ABCA13: variants seen among roughly 807,000 people sequenced by gnomAD.
ABCA13 encodes ATP-binding cassette sub-family A member 13.
In ABCA13, 476 loss-of-function variants were observed where a neutral mutation model predicts 478.7. The observed-to-expected ratio is 0.99, with a 90% CI of 0.92 to 1.07. The LOEUF is 1.07. ABCA13 is among the 50% of genes least tolerant of loss of function. The pLI, the probability that ABCA13 is intolerant of heterozygous loss-of-function variation, is 0.00. For missense variants in ABCA13, 6,060 were observed against 5,910.6 expected (o/e 1.03, Z -0.83); for synonymous variants, 2,252 against 2,158.9 (o/e 1.04, Z -1.20).
intron 31 of ABCA13, among the ~76,000 whole-genome samples, chr7:48,359,196 G>C (rs1810431780): frequency 6.6e-6 from 1 of 151,924 alleles, no homozygotes; most frequent in Non-Finnish European, 1.5e-5. Flanking sequence ...GCCAGGCACT[G>C]TGAATGGGTG....
intron 39 of ABCA13, among the ~76,000 whole-genome samples, chr7:48,407,881 G>A (rs1382023114): frequency 6.6e-6 from 1 of 152,094 alleles, no homozygotes; most frequent in Non-Finnish European, 1.5e-5. Context: ...GTAATCCAGA[G>A]ATGATTTAAA....
intron 35 of ABCA13, among the ~76,000 whole-genome samples, chr7:48,383,375 A>G (rs1000642018): frequency 6.6e-6 from 1 of 152,158 alleles, no homozygotes. Context: ...ATGTGGGTAT[A>G]CGTATGTGTG....
At chr7:48,474,785 C>A (rs947943452) in intron 45 of ABCA13, among the ~76,000 whole-genome samples, 6 of 152,090 alleles carry the variant, frequency 3.9e-5, no homozygotes, top group Non-Finnish European at 1.5e-5. Flanking sequence ...TATTCTCTAG[C>A]CTTGATTTGA....
In ABCA13 at chr7:48,273,177, G is replaced by A. The variant is rs755558197; in HGVS notation, c.3511G>A (p.Val1171Ile). The A allele has an allele frequency of 1.9e-5, 31 of 1,613,504 alleles. No individual in the cohort carries two copies. The highest frequency in any genetic ancestry group is 2.6e-5 in the Non-Finnish European group (31 of 1,179,748). ...ISQLFKFDMN[V>I]FTSLHHGFTQ... Reference sequence around the variant, plus strand: ...TCAATTATTTAAGTTTGACATGAATGTTTTCACATCTCTTCATCATGGTTT... The same window carrying A: ...TCAATTATTTAAGTTTGACATGAATATTTTCACATCTCTTCATCATGGTTT... Residue 1171 changes from valine (V) to isoleucine (I), a missense_variant, in exon 17 of 62, where the codon GTT becomes ATT. Around this residue, in one of 3 missense-constraint regions of ABCA13, gnomAD observed 4,423 missense variants for 4,309.1 expected, o/e 1.03. Transcript: ENST00000435803.
At chr7:48,537,284 A>G (rs1440529665) in intron 55 of ABCA13, among the ~76,000 whole-genome samples, 1 of 152,198 alleles carries the variant, frequency 6.6e-6, no homozygotes, top group East Asian at 1.9e-4. Context: ...AAATCAAATT[A>G]TGAGGACTAC....
intron 23 of ABCA13, among the ~76,000 whole-genome samples, chr7:48,306,293 C>T (rs79352811): frequency 5.3e-5 from 8 of 152,092 alleles, no homozygotes; most frequent in African/African-American, 1.2e-4. Context: ...CTCTAAAAAA[C>T]GTATTAAATA....
In ABCA13 at chr7:48,271,905, A is replaced by G; in HGVS notation, c.2239A>G (p.Asn747Asp). 2 of 1,613,400 alleles carry G rather than the reference A, an allele frequency of 1.2e-6. No individual in the cohort carries two copies. Among genetic ancestry groups the G allele is most frequent in the Non-Finnish European group, 8.5e-7 (1 of 1,179,584 alleles). Residue 747 changes from asparagine (N) to aspartate (D), a missense_variant, in exon 17 of 62, where the codon AAT (asparagine) becomes GAT (aspartate). This residue lies in a region of ABCA13 where 4,423 missense variants were observed against 4,309.1 expected (regional missense o/e 1.03). Coordinates refer to ENST00000435803, the MANE Select transcript of ABCA13 (RefSeq NM_152701.5). ...ATTTTTTGAGAAATTATTGTTGCCT[A>G]ATCTTTTTGACTCCTCCATTGTTCC... ...VEFFEKLLLP[N>D]LFDSSIVPSF...
At chr7:48,505,749 A>G (rs1044718818) in intron 48 of ABCA13, among the ~76,000 whole-genome samples, 2 of 152,236 alleles carry the variant, frequency 1.3e-5, no homozygotes, top group African/African-American at 2.4e-5. Context: ...ACTCTGTGAT[A>G]TTATAAACAG....
chr7:48,206,236 T>C (rs923009328), intron 3 of ABCA13, among the ~76,000 whole-genome samples: 6 of 152,254 alleles, frequency 3.9e-5, no homozygotes, highest in Admixed American at 6.5e-5. Flanking sequence ...AACAATGGAC[T>C]GCGTATATGA....
intron 55 of ABCA13, among the ~76,000 whole-genome samples, chr7:48,536,297 T>C (rs1306819939): frequency 3.3e-5 from 5 of 152,230 alleles, no homozygotes; most frequent in Admixed American, 3.3e-4. Flanking sequence ...TTTCATCTAA[T>C]GTAGACATTA....
intron 55 of ABCA13, among the ~76,000 whole-genome samples, chr7:48,555,803 C>T (rs988878560): frequency 6.6e-6 from 1 of 151,154 alleles, no homozygotes; most frequent in African/African-American, 2.4e-5. Flanking sequence ...TTCTTTATTT[C>T]ACATTCATTT....
At chr7:48,488,515 A>T (rs1207910817) in intron 47 of ABCA13, among the ~76,000 whole-genome samples, 1 of 152,224 alleles carries the variant, frequency 6.6e-6, no homozygotes. Context: ...TATCTGTCAC[A>T]AAAGGCAGCC....
intron 48 of ABCA13, among the ~76,000 whole-genome samples, chr7:48,503,207 C>T (rs1482077441): frequency 1.3e-5 from 2 of 152,202 alleles, no homozygotes; most frequent in African/African-American, 4.8e-5. Flanking sequence ...CCACCTCAGC[C>T]TTTCAAGTAG....
intron 31 of ABCA13, among the ~76,000 whole-genome samples, chr7:48,357,962 T>C (rs564626210): frequency 6.6e-6 from 1 of 151,396 alleles, no homozygotes; most frequent in Admixed American, 6.6e-5. Flanking sequence ...GCCAACATGG[T>C]GAAACCCGGT....
At chr7:48,330,515 C>G (rs1462171788) in intron 27 of ABCA13, among the ~76,000 whole-genome samples, 1 of 150,130 alleles carries the variant, frequency 6.7e-6, no homozygotes, top group East Asian at 2.0e-4. Context: ...ATCCATCCAT[C>G]CATCCATATA....
Position 48,352,281 on chromosome 7 carries a change from C to A in ABCA13, c.10482C>A (p.Tyr3494Ter). ...ACACAATCCGGACCAATGTGTTATA[C>A]AGCGTGCGAACAGATGTGGTAAAAA... ...VSYTIRTNVL[Y>*]SVRTDVVKNP... Residue 3494 changes from tyrosine (Y) to a stop codon, truncating the protein, a stop_gained, in exon 31 of 62, where the codon TAC becomes TAA. Coordinates refer to ENST00000435803, the MANE Select transcript of ABCA13 (RefSeq NM_152701.5). LOFTEE classifies it high-confidence loss of function. 6.2e-7 allele frequency: 1 copy of A among 1,613,878 alleles called. No homozygotes were observed. Among genetic ancestry groups the A allele is most frequent in the Non-Finnish European group, 8.5e-7 (1 of 1,179,886 alleles).
chr7:48,335,623 C>G (rs1471305070), intron 28 of ABCA13, 88 bp downstream of exon 28: 8 of 963,458 alleles, frequency 8.3e-6, no homozygotes, highest in South Asian at 3.4e-5. Context: ...GAAGATTCTA[C>G]AGAGTCACAT....
At chr7:48,409,020 C>T (rs1221965050) in intron 39 of ABCA13, among the ~76,000 whole-genome samples, 3 of 152,182 alleles carry the variant, frequency 2.0e-5, no homozygotes. Flanking sequence ...TTATGGGTTA[C>T]AGTGTGATGT....
intron 3 of ABCA13, among the ~76,000 whole-genome samples, chr7:48,201,017 G>A (rs1798616572): frequency 6.6e-6 from 1 of 152,184 alleles, no homozygotes; most frequent in Non-Finnish European, 1.5e-5. Context: ...GGCGGGTCCA[G>A]GGGTCCTGAG....
Sources: gnomAD v4.1 joint callset for allele counts (sites outside exome capture counted in the v4.1 genomes callset) on GRCh38, gnomAD v4.1.1 for gene constraint, gnomAD v4.1.1 regional missense constraint, MANE v1.5 for transcripts, NCBI Gene and HGNC (gene_info 2026-07-23, HGNC 2026-07-21) for gene names.